The following ARHGAP39 variants were observed in gnomAD, a reference collection of about 807,000 sequenced individuals.
ARHGAP39 encodes the protein rho GTPase-activating protein 39.
A neutral mutation model predicts 106.9 loss-of-function variants in ARHGAP39; 44 were observed. The observed-to-expected ratio is 0.41, with a 90% confidence interval of 0.32 to 0.53. The LOEUF (loss-of-function observed/expected upper bound fraction) is 0.53, where lower values mean the gene tolerates loss of function less well. Ranked by LOEUF, ARHGAP39 falls within the 20% of genes least tolerant of loss-of-function variation. The pLI, the probability that ARHGAP39 is intolerant of heterozygous loss-of-function variation, is 0.21. For missense variants in ARHGAP39, 1,496 were observed against 1,577.3 expected (o/e 0.95, Z 0.87); for synonymous variants, 768 against 693.2 (o/e 1.11, Z -1.69).
At chr8:144,559,186 C>T (rs1177883430) in intron 3 of ARHGAP39, among the ~76,000 whole-genome samples, 2 of 151,418 alleles carry the variant, frequency 1.3e-5, no homozygotes, top group African/African-American at 2.4e-5. Flanking sequence ...CCAGCCTGGG[C>T]GACAGAGCGA....
chr8:144,566,424 T>C (rs979009419), intron 3 of ARHGAP39, among the ~76,000 whole-genome samples: 1 of 151,288 alleles, frequency 6.6e-6, no homozygotes, highest in East Asian at 2.0e-4. Flanking sequence ...ATAAGCTGGG[T>C]GTGGTGGTGT....
Position 144,548,377 on chromosome 8 carries a change from G to T in ARHGAP39, c.709C>A (p.Pro237Thr). The T allele has an allele frequency of 6.2e-7, 1 of 1,609,196 alleles. No homozygotes were observed. Among genetic ancestry groups the T allele is most frequent in the African/African-American group, 1.3e-5 (1 of 74,986 alleles). Residue 237 changes from proline to threonine, a missense_variant, in exon 5 of 12, where the codon CCA (proline) becomes ACA (threonine). Physicochemically the swap from Pro to Thr is conservative, Grantham distance 38. This residue lies in a region of ARHGAP39 where 905 missense variants were observed against 816.4 expected (regional missense o/e 1.11). Coordinates refer to ENST00000377307, the MANE Select transcript of ARHGAP39 (RefSeq NM_025251.3). The surrounding 1 kb of genome is among the most constrained non-coding windows in gnomAD (Gnocchi z 7.4). ...GGTCTGCGGGAGCGGACCCCAGGTG[G>T]GCCGTCTGGGGCGTAGCCATTGCCC... ...AQGNGYAPDG[P>T]PGVRSRRPSG... is the part of the protein sequence containing the mutation.
chr8:144,565,419 T>C (rs538659836), intron 3 of ARHGAP39, among the ~76,000 whole-genome samples: 2 of 152,236 alleles, frequency 1.3e-5, no homozygotes, highest in East Asian at 3.9e-4. Context: ...CTGAGTGCAG[T>C]GGTTCATGCC....
Position 144,567,331 on chromosome 8 carries a change from C to A in ARHGAP39, c.513-11688G>T, listed in dbSNP as rs184618378. On this transcript the variant is annotated intron_variant, in intron 3 of 11. Coordinates refer to ENST00000377307, the MANE Select transcript of ARHGAP39 (RefSeq NM_025251.3). ...GAGGAGTGACCAGAAGACAAGAGTG[C>A]GAGCCTTCTGTTATGCCCAGACAGG... Among the ~76,000 whole-genome samples the A allele has an allele frequency of 2.0e-5, 3 of 152,304 alleles. No individual in the cohort carries two copies. The South Asian group carries it at 6.2e-4, about 32-fold the overall frequency.
At chr8:144,673,216 C>CAA (rs112112343) in intron 1 of ARHGAP39, among the ~76,000 whole-genome samples, 1 of 141,348 alleles carries the variant, frequency 7.1e-6, no homozygotes, top group African/African-American at 2.6e-5. Flanking sequence ...GAACCTGTCT[C>CAA]AAAAAAAAAA....
At chr8:144,555,782 T>C (rs1168708892) in intron 3 of ARHGAP39, 139 bp from the exon 4 acceptor site, 5 of 736,192 alleles carry the variant, frequency 6.8e-6, no homozygotes, top group Non-Finnish European at 1.2e-5. Flanking sequence ...GGCTGTATTC[T>C]TCATCTTCTG....
intron 1 of ARHGAP39, among the ~76,000 whole-genome samples, chr8:144,618,516 G>C (rs992438357): frequency 3.3e-5 from 5 of 152,260 alleles, no homozygotes; most frequent in Non-Finnish European, 7.3e-5. Context: ...TGTACCCAGA[G>C]ACCTGCCTGA....
At chr8:144,691,042 C>T in the ARHGAP39 span, among the ~76,000 whole-genome samples, 1 of 152,146 alleles carries the variant, frequency 6.6e-6, no homozygotes, top group African/African-American at 2.4e-5. Flanking sequence ...GCTGGGATGG[C>T]ACTGGAGACA....
chr8:144,595,176 A>G (rs902310964), intron 2 of ARHGAP39, among the ~76,000 whole-genome samples: 3 of 152,256 alleles, frequency 2.0e-5, no homozygotes, highest in African/African-American at 7.2e-5. Context: ...TAATAGCCAA[A>G]AAGTGGCAAC....
At chr8:144,552,740 G>A (rs555712371) in intron 4 of ARHGAP39, among the ~76,000 whole-genome samples, 87 of 152,108 alleles carry the variant, frequency 5.7e-4, no homozygotes, top group Admixed American at 1.1e-3. Context: ...GGCTGAGGTA[G>A]TAGCACGCCT....
Position 144,544,998 on chromosome 8 carries a change from C to T in ARHGAP39, c.2521+251G>A, listed in dbSNP as rs74756239. The stretch of plus-strand genomic sequence containing the variant: ...TGGTGGGCTTGGAGCAGAGTGGATG[C>T]GGCCATTGAGGCCCCAAGCCCTCGT... On this transcript the variant is annotated intron_variant, in intron 6 of 11. Transcript: ENST00000377307. Among the ~76,000 whole-genome samples, 869 of 152,372 alleles carry T rather than the reference C, an allele frequency of 5.7e-3. 34 individuals are homozygous for T. The East Asian group carries it at 0.11, about 20-fold the overall frequency.
chr8:144,601,471 T>G (rs1333652266), intron 2 of ARHGAP39, among the ~76,000 whole-genome samples: 3 of 135,930 alleles, frequency 2.2e-5, no homozygotes, highest in Admixed American at 7.5e-5. Context: ...TGGAGGTGTG[T>G]GTGCGAGCTC....
chr8:144,668,795 G>C (rs1483820131), intron 1 of ARHGAP39, among the ~76,000 whole-genome samples: 1 of 152,024 alleles, frequency 6.6e-6, no homozygotes, highest in African/African-American at 2.4e-5. Context: ...AAAAAACAAT[G>C]AGCTTGCTTT....
chr8:144,588,998 G>A (rs1563690428), intron 2 of ARHGAP39, among the ~76,000 whole-genome samples: 1 of 152,358 alleles, frequency 6.6e-6, no homozygotes, highest in East Asian at 1.9e-4. Context: ...TCAATGTCAC[G>A]TGGGACCCGG....
At chr8:144,658,470 T>A (rs1821749701) in intron 1 of ARHGAP39, among the ~76,000 whole-genome samples, 2 of 152,192 alleles carry the variant, frequency 1.3e-5, no homozygotes, top group Admixed American at 6.5e-5. Context: ...AGATGGGATT[T>A]CTCCATGTTG....
chr8:144,547,955 C>T lies in ARHGAP39; in HGVS notation c.1131G>A (p.Lys377=). ...PCQQLVLTKQ[K]CPERFLSLEY... ...CCAGGCTCAGGAAGCGCTCGGGACA[C>T]TTCTGCTTGGTGAGCACCAGCTGCT... The change falls in exon 5 of 12, where the codon AAG becomes AAA. Residue 377 remains lysine, a synonymous_variant. Coordinates refer to ENST00000377307, the MANE Select transcript of ARHGAP39 (RefSeq NM_025251.3). The surrounding 1 kb of genome is among the most constrained non-coding windows in gnomAD (Gnocchi z 5.2). The T allele has an allele frequency of 6.2e-7, 1 of 1,600,888 alleles. No homozygotes were observed. Among genetic ancestry groups the T allele is most frequent in the Non-Finnish European group, 8.5e-7 (1 of 1,173,978 alleles).
intron 11 of ARHGAP39, 21 bp downstream of exon 11, chr8:144,530,681 G>T: frequency 1.9e-6 from 3 of 1,563,006 alleles, no homozygotes; most frequent in Non-Finnish European, 1.7e-6. Flanking sequence ...AAGCAGCGGG[G>T]ACCCCCGGGG....
intron 3 of ARHGAP39, among the ~76,000 whole-genome samples, chr8:144,576,140 G>T (rs1223953813): frequency 6.6e-6 from 1 of 151,914 alleles, no homozygotes; most frequent in East Asian, 1.9e-4. Context: ...GACCAGCCCA[G>T]CCACCAACAT....
chr8:144,679,409 T>C lies in ARHGAP39; in HGVS notation c.-82+6277A>G, dbSNP rs554716722. Among the ~76,000 whole-genome samples the C allele has an allele frequency of 6.6e-6, 1 of 152,266 alleles. No homozygotes were observed. The highest frequency in any genetic ancestry group is 2.4e-5 in the African/African-American group (1 of 41,558). On this transcript the variant is annotated intron_variant, in intron 1 of 11. Coordinates refer to ENST00000377307, the MANE Select transcript of ARHGAP39 (RefSeq NM_025251.3). The surrounding 1 kb of genome is among the most constrained non-coding windows in gnomAD (Gnocchi z 4.7). ...TGCCATAAAAACAGCATGTGCCACATAAGGCCTGGTCCTGGATCTGGAAAT... is the reference window on the plus strand; with the variant it reads ...TGCCATAAAAACAGCATGTGCCACACAAGGCCTGGTCCTGGATCTGGAAAT...
Sources: gnomAD v4.1 joint callset for allele counts (sites outside exome capture counted in the v4.1 genomes callset) on GRCh38, gnomAD v4.1.1 for gene constraint, gnomAD v4.1.1 regional missense constraint, Gnocchi (gnomAD v3.1) non-coding constraint, MANE v1.5 for transcripts, NCBI Gene and HGNC (gene_info 2026-07-23, HGNC 2026-07-21) for gene names.